The following RIPK1 variants were observed in gnomAD, a reference collection of about 807,000 sequenced individuals.
RIPK1 encodes receptor interacting serine/threonine kinase 1, also known as receptor-interacting serine/threonine-protein kinase 1.
In RIPK1, 27 loss-of-function variants were observed where a neutral mutation model predicts 62.4. The ratio of observed to expected loss-of-function variants is 0.43; its 90% CI spans 0.32 to 0.60. The LOEUF (loss-of-function observed/expected upper bound fraction) is 0.60. Among genes scored for constraint, RIPK1 ranks in the 20% least tolerant of loss-of-function variants. The pLI is 0.07. For missense variants in RIPK1, 735 were observed against 831.0 expected (o/e 0.88, Z 1.42); for synonymous variants, 287 against 303.2 (o/e 0.95, Z 0.55).
intron 7 of RIPK1, among the ~76,000 whole-genome samples, chr6:3,098,845 G>C (rs1438651934): frequency 6.6e-6 from 1 of 152,200 alleles, no homozygotes; most frequent in Non-Finnish European, 1.5e-5. Flanking sequence ...AACGAAGCCT[G>C]ACAGCTCTGG....
rs544372178 is a variant in RIPK1, at chr6:3,098,141, C to T, written c.916-6084C>T. Among the ~76,000 whole-genome samples, 79 of 147,658 alleles carry T rather than the reference C, an allele frequency of 5.4e-4. 1 individual carries two copies. The highest frequency in any genetic ancestry group is 2.3e-3 in the Admixed American group (35 of 15,196). On this transcript the variant is annotated intron_variant, in intron 7 of 10. Coordinates refer to ENST00000259808, the MANE Select transcript of RIPK1 (RefSeq NM_001354930.2). The stretch of plus-strand genomic sequence containing the variant: ...TTGGGCCCAGGAGGCTGCGCCATTG[C>T]GCTCCAGCCTGGGTTACTGAATGAG...
rs1028113343 is a variant in RIPK1 at position 3,110,249 on chromosome 6, C to T, written c.1577-554C>T. Among the ~76,000 whole-genome samples the T allele has an allele frequency of 2.1e-5, 3 of 145,734 alleles. No individual in the cohort carries two copies. The Admixed American group carries it at 2.1e-4, about 10-fold the overall frequency. ...TTGAGACAGACTCTCACTCTATCACCAGGCTGGAGTGCAGTGGCACGATCT... is the reference window on the plus strand; with the variant it reads ...TTGAGACAGACTCTCACTCTATCACTAGGCTGGAGTGCAGTGGCACGATCT... On this transcript the variant is annotated intron_variant, in intron 9 of 10. Transcript: ENST00000259808.
intron 7 of RIPK1, among the ~76,000 whole-genome samples, chr6:3,100,693 T>C (rs1235306265): frequency 1.3e-5 from 2 of 151,936 alleles, no homozygotes; most frequent in South Asian, 4.2e-4. Flanking sequence ...CGGGTTCAAG[T>C]GATTCTCGTG....
rs1484148771 is a variant in RIPK1 at position 3,105,970 on chromosome 6, A to G, written c.1495A>G (p.Ser499Gly). ...WYRPIPSHMP[S>G]LHNIPVPETN... ...CAGGCCAATTCCAAGTCATATGCCTAGTCTGCATAATATCCCAGTGCCTGA... is the reference window on the plus strand; with the variant it reads ...CAGGCCAATTCCAAGTCATATGCCTGGTCTGCATAATATCCCAGTGCCTGA... Residue 499 changes from serine to glycine, a missense_variant, in exon 9 of 11, where the codon AGT becomes GGT. Coordinates refer to ENST00000259808, the MANE Select transcript of RIPK1 (RefSeq NM_001354930.2). The surrounding 1 kb of genome is among the most constrained non-coding windows in gnomAD (Gnocchi z 4.5). 7 of 1,614,124 alleles carry G rather than the reference A, an allele frequency of 4.3e-6. No homozygotes were observed. The highest frequency in any genetic ancestry group is 1.6e-4 in the Middle Eastern group (1 of 6,062).
At position 3,105,005 on chromosome 6, in the gene RIPK1, C is replaced by T. The variant is rs764825323; in HGVS notation, c.1007-477C>T. On this transcript the variant is annotated intron_variant, in intron 8 of 10. Coordinates refer to ENST00000259808, the MANE Select transcript of RIPK1 (RefSeq NM_001354930.2). The surrounding 1 kb of genome is among the most constrained non-coding windows in gnomAD (Gnocchi z 4.5). ...CAGCAGGGATTACAGGCATGCACCA[C>T]CATGCCCGGCTAATTTTTGTATTTT... Among the ~76,000 whole-genome samples, 3 of 152,158 alleles carry T rather than the reference C, an allele frequency of 2.0e-5. No homozygotes were observed. Among genetic ancestry groups the T allele is most frequent in the Non-Finnish European group, 2.9e-5 (2 of 68,030 alleles).
At chr6:3,064,305 GC>G (rs1307064042), upstream of RIPK1, among the ~76,000 whole-genome samples, 3 of 152,172 alleles carry the variant, frequency 2.0e-5, no homozygotes, top group East Asian at 5.8e-4. Flanking sequence ...CCTCCTCGCT[GC>G]CCTTCCCTGG....
chr6:3,064,752 G>A (rs1758301527), upstream of RIPK1, among the ~76,000 whole-genome samples: 1 of 152,182 alleles, frequency 6.6e-6, no homozygotes, highest in Non-Finnish European at 1.5e-5. Context: ...GATGGACGTG[G>A]GGCCTTCTAA....
chr6:3,098,317 G>C (rs557523861), intron 7 of RIPK1, among the ~76,000 whole-genome samples: 1 of 152,330 alleles, frequency 6.6e-6, no homozygotes, highest in East Asian at 1.9e-4. Context: ...AGTTAAAACA[G>C]GGATGAAATA....
At chr6:3,109,880 T>C (rs1489453024) in intron 9 of RIPK1, among the ~76,000 whole-genome samples, 1 of 152,232 alleles carries the variant, frequency 6.6e-6, no homozygotes, top group Non-Finnish European at 1.5e-5. Flanking sequence ...AGTGGAACCA[T>C]GCAGCATTTT....
chr6:3,068,159 C>A, upstream of RIPK1: 1 of 951,422 alleles, frequency 1.1e-6, no homozygotes, highest in Non-Finnish European at 1.3e-6. Context: ...AATCACATTT[C>A]CTCCTCAACA....
chr6:3,070,719 C>T (rs868856480), intron 1 of RIPK1, among the ~76,000 whole-genome samples: 1 of 152,220 alleles, frequency 6.6e-6, no homozygotes, highest in African/African-American at 2.4e-5. Context: ...GCATGAGCCC[C>T]TGCACCTCAC....
chr6:3,104,509 A>G (rs1021122151), intron 8 of RIPK1, among the ~76,000 whole-genome samples, 194 bp downstream of exon 8: 1 of 152,204 alleles, frequency 6.6e-6, no homozygotes, highest in African/African-American at 2.4e-5. Flanking sequence ...CAGTGTGCTC[A>G]CCAGTCATAG....
upstream of RIPK1, among the ~76,000 whole-genome samples, chr6:3,065,101 C>CA (rs199702144): frequency 0.011 from 1,618 of 151,490 alleles, 29 homozygotes; most frequent in African/African-American, 0.035. Context: ...AAAAAGAATA[C>CA]AAAAAAATAG....
At chr6:3,066,597 A>C (rs1758391212), upstream of RIPK1, among the ~76,000 whole-genome samples, 1 of 152,192 alleles carries the variant, frequency 6.6e-6, no homozygotes, top group Non-Finnish European at 1.5e-5. Flanking sequence ...CAGCAAAACT[A>C]AGCAGAAAGA....
chr6:3,068,606 G>C lies in RIPK1; in HGVS notation c.-116G>C. Reference sequence around the variant, plus strand: ...CGCCAGAGCGCGGCCATCCGGGCGGGGCCGACGGAGCGCGGCAGGACTTGG... The same window carrying C: ...CGCCAGAGCGCGGCCATCCGGGCGGCGCCGACGGAGCGCGGCAGGACTTGG... On this transcript the variant is annotated 5_prime_UTR_variant, in exon 1 of 11. Coordinates refer to ENST00000259808, the MANE Select transcript of RIPK1 (RefSeq NM_001354930.2). 6.1e-6 allele frequency: 6 copies of C among 985,322 alleles called. No individual in the cohort carries two copies. The highest frequency in any genetic ancestry group is 7.2e-6 in the Non-Finnish European group (6 of 829,938). 61.0% of individuals were successfully genotyped at this position (985,322 alleles called of 1,614,324 possible).
Position 3,089,600 on chromosome 6 carries a change from G to A in RIPK1, c.858G>A (p.Arg286=). The A allele has an allele frequency of 6.4e-7, 1 of 1,558,670 alleles. No homozygotes were observed. Among genetic ancestry groups the A allele is most frequent in the Non-Finnish European group, 8.8e-7 (1 of 1,133,768 alleles). ...TTACAGGCATTGAAGAAAAATTTAG[G>A]CCTTTTTATTTAAGTCAATTAGAAG... ...PTFPGIEEKF[R]PFYLSQLEES... The change falls in exon 7 of 11, where the codon AGG becomes AGA. Residue 286 remains arginine, a synonymous_variant. Coordinates refer to ENST00000259808, the MANE Select transcript of RIPK1 (RefSeq NM_001354930.2).
intron 3 of RIPK1, among the ~76,000 whole-genome samples, chr6:3,078,175 G>A (rs1398491684): frequency 6.6e-6 from 1 of 152,150 alleles, no homozygotes; most frequent in Non-Finnish European, 1.5e-5. Flanking sequence ...TGGGATTACA[G>A]GCTGGATTTC....
intron 7 of RIPK1, among the ~76,000 whole-genome samples, chr6:3,090,355 A>G (rs1722164882): frequency 6.6e-6 from 1 of 152,144 alleles, no homozygotes; most frequent in South Asian, 2.1e-4. Flanking sequence ...CTACCCCATA[A>G]TCATGAACAG....
chr6:3,078,561 G>C (rs946140222), intron 3 of RIPK1, among the ~76,000 whole-genome samples: 1 of 152,166 alleles, frequency 6.6e-6, no homozygotes, highest in Non-Finnish European at 1.5e-5. Context: ...GACATCATCT[G>C]ATGTAGAGTA....
Sources: allele counts gnomAD v4.1 joint callset (sites outside exome capture counted in the v4.1 genomes callset), GRCh38; gene constraint gnomAD v4.1.1; non-coding constraint Gnocchi (gnomAD v3.1); transcripts MANE v1.5; gene names NCBI Gene and HGNC (gene_info 2026-07-23, HGNC 2026-07-21).